The following THAP12 variants were observed in gnomAD, a reference collection of about 807,000 sequenced individuals.
THAP12 encodes the protein THAP domain containing 12.
Under a neutral mutation model 63.0 loss-of-function variants are expected in THAP12, and 20 were observed. The observed-to-expected ratio is 0.32, with a 90% CI of 0.22 to 0.46. The LOEUF is 0.46. THAP12 is among the 20% of genes least tolerant of loss of function. The pLI is 1.00. For synonymous variants in THAP12, 264 were observed against 328.4 expected, an observed-to-expected ratio of 0.80 and a Z score of 2.12; for missense variants, 568 against 908.2, an observed-to-expected ratio of 0.63 and a Z score of 4.81.
At chr11:76,370,412 G>C (rs1946665101) in intron 1 of THAP12, among the ~76,000 whole-genome samples, 1 of 151,878 alleles carries the variant, frequency 6.6e-6, no homozygotes. Context: ...GCACAGGCTG[G>C]AGTGCAGTGG....
intron 1 of THAP12, among the ~76,000 whole-genome samples, chr11:76,376,365 CAG>C (rs1946710357): frequency 6.6e-6 from 1 of 152,202 alleles, no homozygotes; most frequent in Admixed American, 6.5e-5. Context: ...TTGAAAAGGG[CAG>C]AGACTTCGTG....
intron 1 of THAP12, among the ~76,000 whole-genome samples, chr11:76,373,963 TTAGTGAGAAAAATGACA>T (rs1946691585): frequency 1.3e-5 from 2 of 152,190 alleles, no homozygotes; most frequent in Non-Finnish European, 2.9e-5. Context: ...ACAAAAATAT[TTAGTGAGAAAAATGACA>T]CTTCTTCATT....
chr11:76,361,094 T>C, intron 2 of THAP12, 31 bp from the exon 3 acceptor site: 1 of 1,397,930 alleles, frequency 7.2e-7, no homozygotes. Context: ...AATTCAGAGA[T>C]GGTCCTTATA....
At chr11:76,378,063 T>C (rs908249413) in intron 1 of THAP12, among the ~76,000 whole-genome samples, 1 of 152,178 alleles carries the variant, frequency 6.6e-6, no homozygotes, top group Non-Finnish European at 1.5e-5. Flanking sequence ...AAAGTTTAAT[T>C]TTGATGAAGT....
At chr11:76,375,597 A>C (rs1385928256) in intron 1 of THAP12, among the ~76,000 whole-genome samples, 1 of 152,106 alleles carries the variant, frequency 6.6e-6, no homozygotes, top group Non-Finnish European at 1.5e-5. Flanking sequence ...CATGCATGGA[A>C]TTTATAACTG....
chr11:76,367,700 G>A (rs1236460198), intron 1 of THAP12, among the ~76,000 whole-genome samples: 5 of 152,264 alleles, frequency 3.3e-5, no homozygotes, highest in Middle Eastern at 6.8e-3. Context: ...TAGGATTACA[G>A]GCGCGAGCCA....
chr11:76,351,271 T>A lies in THAP12; in HGVS notation c.1879A>T (p.Met627Leu). The change falls in exon 5 of 5, where the codon ATG (methionine) becomes TTG (leucine). Residue 627 changes from methionine to leucine, a missense_variant. Coordinates refer to ENST00000260045, the MANE Select transcript of THAP12 (RefSeq NM_004705.4). ...GGATTGGGTAAGTCACTTCTATACA[T>A]GTCAGCATGGTGTTCCTCCGACGTA... is the stretch of plus-strand genomic sequence containing the variant. ...FNTSEEHHAD[M>L]YRSDLPNPDT... 6.4e-7 allele frequency: 1 copy of A among 1,570,040 alleles called. No individual in the cohort carries two copies. Among genetic ancestry groups the A allele is most frequent in the Non-Finnish European group, 8.7e-7 (1 of 1,155,072 alleles).
chr11:76,365,292 T>TA (rs774462964), intron 2 of THAP12, among the ~76,000 whole-genome samples: 7,427 of 131,026 alleles, frequency 0.057, 255 homozygotes, highest in African/African-American at 0.088. Flanking sequence ...AGACTGTCTT[T>TA]AAAAAAAAAA....
chr11:76,367,117 C>A (rs991669374), intron 1 of THAP12, among the ~76,000 whole-genome samples: 12 of 150,554 alleles, frequency 8.0e-5, no homozygotes, highest in African/African-American at 2.9e-4. Flanking sequence ...GCTCTTGTTG[C>A]CCAGGTTGGA....
chr11:76,364,610 A>G (rs1325489270), intron 2 of THAP12, among the ~76,000 whole-genome samples: 1 of 152,188 alleles, frequency 6.6e-6, no homozygotes, highest in Non-Finnish European at 1.5e-5. Context: ...AGAATCACAG[A>G]GGGTTAAAAA....
At chr11:76,362,371 T>G (rs760538284) in intron 2 of THAP12, among the ~76,000 whole-genome samples, 10 of 152,378 alleles carry the variant, frequency 6.6e-5, no homozygotes, top group Non-Finnish European at 1.5e-4. Flanking sequence ...GGAAAACATG[T>G]ATCTAAATGG....
chr11:76,375,280 T>C (rs1946701576), intron 1 of THAP12, among the ~76,000 whole-genome samples: 1 of 152,100 alleles, frequency 6.6e-6, no homozygotes, highest in Admixed American at 6.5e-5. Context: ...GAGCAATTCA[T>C]TAGCTCTACC....
chr11:76,351,700 C>A lies in THAP12; in HGVS notation c.1450G>T (p.Val484Phe). 1 of 1,600,288 alleles carries A rather than the reference C, an allele frequency of 6.2e-7. No individual in the cohort carries two copies. The highest frequency in any genetic ancestry group is 8.5e-7 in the Non-Finnish European group (1 of 1,173,612). Residue 484 changes from valine to phenylalanine, a missense_variant, in exon 5 of 5, where the codon GTT (valine) becomes TTT (phenylalanine). By Grantham distance (50) the Val-to-Phe change is conservative. Coordinates refer to ENST00000260045, the MANE Select transcript of THAP12 (RefSeq NM_004705.4). The part of the protein sequence containing the change: ...VSDFDFIVTI[V>F]VLKNVLSFTR... ...AAAGATAGGACATTTTTAAGAACAA[C>A]AATAGTAACAATGAAATCAAAATCT...
At chr11:76,361,702 C>G (rs144071305) in intron 2 of THAP12, among the ~76,000 whole-genome samples, 1 of 152,196 alleles carries the variant, frequency 6.6e-6, no homozygotes, top group East Asian at 1.9e-4. Context: ...CAATGCTTGC[C>G]ATTTCAGTTA....
chr11:76,351,894 A>C lies in THAP12; in HGVS notation c.1256T>G (p.Leu419Arg). The change falls in exon 5 of 5, where the codon CTG becomes CGG. Residue 419 changes from leucine to arginine, a missense_variant. Leu to Arg is a moderately radical substitution (Grantham distance 102). Coordinates refer to ENST00000260045, the MANE Select transcript of THAP12 (RefSeq NM_004705.4). ...CCACTGAGAATGGCAGATTTCCTTC[A>C]GTTCTTTACCCCTTTCTTTACTGTT... ...FQNSKERGKE[L>R]KEICHSQWTG... 6.3e-7 allele frequency: 1 copy of C among 1,599,024 alleles called. No homozygotes were observed. Among genetic ancestry groups the C allele is most frequent in the Non-Finnish European group, 8.5e-7 (1 of 1,173,634 alleles).
intron 1 of THAP12, among the ~76,000 whole-genome samples, chr11:76,373,038 G>C (rs1399974513): frequency 6.6e-6 from 1 of 152,138 alleles, no homozygotes; most frequent in Non-Finnish European, 1.5e-5. Flanking sequence ...TGTAAAGCAA[G>C]GACTACCTCA....
At chr11:76,373,967 T>C (rs535834609) in intron 1 of THAP12, among the ~76,000 whole-genome samples, 1 of 152,348 alleles carries the variant, frequency 6.6e-6, no homozygotes, top group East Asian at 1.9e-4. Flanking sequence ...AAATATTTAG[T>C]GAGAAAAATG....
At chr11:76,353,996 G>A (rs544545378) in intron 4 of THAP12, among the ~76,000 whole-genome samples, 2 of 152,352 alleles carry the variant, frequency 1.3e-5, no homozygotes, top group South Asian at 4.1e-4. Context: ...GCAACAGAGT[G>A]AGACTCCGTC....
intron 3 of THAP12, among the ~76,000 whole-genome samples, chr11:76,360,033 T>C (rs1946588089): frequency 6.6e-6 from 1 of 151,978 alleles, no homozygotes; most frequent in African/African-American, 2.4e-5. Flanking sequence ...ATAACAGAGG[T>C]GGCATTTTAT....
Sources: allele counts gnomAD v4.1 joint callset (sites outside exome capture counted in the v4.1 genomes callset), GRCh38; gene constraint gnomAD v4.1.1; transcripts MANE v1.5; gene names NCBI Gene and HGNC (gene_info 2026-07-23, HGNC 2026-07-21).